CCDC33: variants seen among roughly 807,000 people sequenced by gnomAD.
CCDC33 encodes coiled-coil domain containing 33, also known as coiled-coil domain-containing protein 33.
CCDC33 carries 94 observed loss-of-function variants against 91.9 expected under a neutral mutation model. The ratio of observed to expected loss-of-function variants is 1.02; its 90% confidence interval spans 0.87 to 1.21. The LOEUF (loss-of-function observed/expected upper bound fraction) is 1.21, where lower values mean the gene tolerates loss of function less well. CCDC33 is among the 50% of genes most tolerant of loss of function. The probability of loss-of-function intolerance (pLI) is 0.00; values close to 1 mark genes in which losing one functional copy is unlikely to be tolerated. For missense variants in CCDC33, 940 were observed against 935.5 expected (o/e 1.00, Z -0.06); for synonymous variants, 396 against 374.5 (o/e 1.06, Z -0.66).
chr15:74,316,793 C>A lies in CCDC33; in HGVS notation c.1291-13396C>A, dbSNP rs183861416. On this transcript the variant is annotated intron_variant, in intron 11 of 18. Transcript: ENST00000398814. The surrounding 1 kb of genome is among the most constrained non-coding windows in gnomAD (Gnocchi z 4.7). ...TATTTCTGGAGCCACTCTTATATGC[C>A]AGACGCTGCTCGGACGTGTACACTC... Among the ~76,000 whole-genome samples the A allele has an allele frequency of 8.5e-5, 13 of 152,294 alleles. No individual in the cohort carries two copies. The East Asian group carries it at 2.5e-3, about 29-fold the overall frequency.
Position 74,336,005 on chromosome 15 carries a change from C to T in CCDC33, c.2220C>T (p.Asn740=). The T allele has an allele frequency of 6.2e-7, 1 of 1,614,052 alleles. No individual in the cohort carries two copies. Among genetic ancestry groups the T allele is most frequent in the Non-Finnish European group, 8.5e-7 (1 of 1,180,010 alleles). ...PLLPSSDSKL[N]KPLSPQKETA... ...TGCCCAGCTCAGACTCTAAGCTCAA[C>T]AAGCCCTTGAGCCCCCAGAAGGAGA... Residue 740 remains asparagine (N), a synonymous_variant, in exon 19 of 19, where the codon AAC becomes AAT. Transcript: ENST00000398814.
intron 7 of CCDC33, among the ~76,000 whole-genome samples, chr15:74,275,969 G>A (rs936401025): frequency 6.6e-6 from 1 of 152,186 alleles, no homozygotes; most frequent in Admixed American, 6.5e-5. Context: ...GCACCCAGCA[G>A]CACCCTCTCT....
At chr15:74,271,098 C>T (rs2076303044) in intron 5 of CCDC33, among the ~76,000 whole-genome samples, 1 of 151,992 alleles carries the variant, frequency 6.6e-6, no homozygotes, top group Non-Finnish European at 1.5e-5. Flanking sequence ...AGAGCAGGCA[C>T]CAGGGTGAGC....
chr15:74,284,464 T>C (rs1419411311), intron 10 of CCDC33, among the ~76,000 whole-genome samples: 1 of 152,166 alleles, frequency 6.6e-6, no homozygotes, highest in Non-Finnish European at 1.5e-5. Context: ...CCCTTCTCCA[T>C]CCCTCATCAC....
intron 2 of CCDC33, among the ~76,000 whole-genome samples, chr15:74,228,866 A>G (rs1252583471): frequency 6.6e-6 from 1 of 152,178 alleles, no homozygotes; most frequent in Admixed American, 6.5e-5. Flanking sequence ...AAATGAGATT[A>G]GGGCCAGAGG....
intron 1 of CCDC33, among the ~76,000 whole-genome samples, chr15:74,208,520 C>T (rs2074313167): frequency 6.6e-6 from 1 of 152,118 alleles, no homozygotes; most frequent in Admixed American, 6.5e-5. Flanking sequence ...GGCTCTCCAC[C>T]AACCTTTTGC....
chr15:74,204,221 A>T (rs1013640638), intron 1 of CCDC33, among the ~76,000 whole-genome samples: 1 of 152,188 alleles, frequency 6.6e-6, no homozygotes, highest in African/African-American at 2.4e-5. Flanking sequence ...GATGCGGGAA[A>T]CTTGCCTTCC....
At chr15:74,321,105 T>C (rs2060197902) in intron 11 of CCDC33, among the ~76,000 whole-genome samples, 1 of 152,192 alleles carries the variant, frequency 6.6e-6, no homozygotes. Context: ...CCTCCCCGAC[T>C]TGTCCCTGAG....
downstream of CCDC33, chr15:74,336,335 G>A: frequency 7.3e-7 from 1 of 1,373,738 alleles, no homozygotes; most frequent in Non-Finnish European, 9.6e-7. Context: ...CCAAAGCAGG[G>A]GCCAGGGAGA....
chr15:74,259,155 T>C (rs1036873890), intron 2 of CCDC33, among the ~76,000 whole-genome samples: 4 of 151,926 alleles, frequency 2.6e-5, no homozygotes, highest in African/African-American at 9.7e-5. Context: ...TGGCCCTGGA[T>C]GCCTGGAGCC....
At chr15:74,276,856 C>T (rs1280517641) in intron 7 of CCDC33, among the ~76,000 whole-genome samples, 2 of 152,230 alleles carry the variant, frequency 1.3e-5, no homozygotes, top group Admixed American at 1.3e-4. Flanking sequence ...TCAGGTCCTC[C>T]CTGAGGAATG....
chr15:74,329,820 A>G (rs141034332), intron 11 of CCDC33, among the ~76,000 whole-genome samples: 128 of 152,312 alleles, frequency 8.4e-4, no homozygotes, highest in Admixed American at 1.7e-3. Context: ...GGAGGAGGGA[A>G]AAGGTGAAGA....
chr15:74,260,199 T>G (rs1418983815), intron 2 of CCDC33, among the ~76,000 whole-genome samples: 2 of 152,158 alleles, frequency 1.3e-5, no homozygotes, highest in Admixed American at 1.3e-4. Flanking sequence ...TGGTCAAGCA[T>G]GGTCACAGAG....
intron 11 of CCDC33, among the ~76,000 whole-genome samples, chr15:74,313,415 C>CT (rs35519774): frequency 0.44 from 41,101 of 94,098 alleles, 10,868 homozygotes; most frequent in Non-Finnish European, 0.59. Context: ...TTCTTTCTTT[C>CT]TTTTTTTTTT....
chr15:74,250,765 G>A (rs974277531), intron 2 of CCDC33, among the ~76,000 whole-genome samples: 6 of 152,178 alleles, frequency 3.9e-5, no homozygotes, highest in African/African-American at 9.7e-5. Context: ...AATAATCGTC[G>A]AATGAATCTG....
chr15:74,322,583 G>T (rs1026613306), intron 11 of CCDC33, among the ~76,000 whole-genome samples: 3 of 152,210 alleles, frequency 2.0e-5, no homozygotes, highest in African/African-American at 7.2e-5. Context: ...TGAGATGGGG[G>T]TTCCAGGGCT....
chr15:74,318,897 G>A (rs2060150658), intron 11 of CCDC33, among the ~76,000 whole-genome samples: 1 of 152,222 alleles, frequency 6.6e-6, no homozygotes, highest in Admixed American at 6.5e-5. Flanking sequence ...AGAGAGGGAG[G>A]ACAGAAGGGC....
intron 2 of CCDC33, among the ~76,000 whole-genome samples, chr15:74,256,650 C>A (rs1042163076): frequency 2.0e-5 from 3 of 152,188 alleles, no homozygotes; most frequent in Non-Finnish European, 4.4e-5. Context: ...CGGCATGACA[C>A]TCCAAAGGCT....
In CCDC33 at chr15:74,286,746, C is replaced by T. The variant is rs145673633; in HGVS notation, c.1095+4897C>T. On this transcript the variant is annotated intron_variant, in intron 10 of 18. Transcript: ENST00000398814. ...GGCCTCTCAGATGGGTGGCCACACCCTCCTCAGCCCACAGCCCACAGACAT... is the reference window on the plus strand; with the variant it reads ...GGCCTCTCAGATGGGTGGCCACACCTTCCTCAGCCCACAGCCCACAGACAT... 6.2e-3 allele frequency among the ~76,000 whole-genome samples: 940 copies of T among 152,308 alleles called. 8 individuals carry two copies. Among genetic ancestry groups the T allele is most frequent in the Middle Eastern group, 0.058 (17 of 294 alleles).
Sources: allele counts gnomAD v4.1 joint callset (sites outside exome capture counted in the v4.1 genomes callset), GRCh38; gene constraint gnomAD v4.1.1; non-coding constraint Gnocchi (gnomAD v3.1); transcripts MANE v1.5; gene names NCBI Gene and HGNC (gene_info 2026-07-23, HGNC 2026-07-21).